The following GRIK1 variants were observed in gnomAD, a reference collection of about 807,000 sequenced individuals.
GRIK1 encodes glutamate receptor ionotropic, kainate 1.
Under a neutral mutation model 105.7 loss-of-function variants are expected in GRIK1, and 69 were observed. That is an observed-to-expected ratio of 0.65 (90% CI 0.54 to 0.80). GRIK1 has a LOEUF of 0.80. Ranked by LOEUF, GRIK1 falls within the 30% of genes least tolerant of loss-of-function variation. The pLI is 0.00. For missense variants in GRIK1, 1,109 were observed against 1,167.3 expected (o/e 0.95, Z 0.73); for synonymous variants, 438 against 431.3 (o/e 1.02, Z -0.19).
intron 1 of GRIK1, among the ~76,000 whole-genome samples, chr21:29,723,393 A>G (rs2064371989): frequency 6.6e-6 from 1 of 152,240 alleles, no homozygotes; most frequent in Non-Finnish European, 1.5e-5. Flanking sequence ...TCAAGCTTTC[A>G]TCATGCTTTA....
chr21:29,720,491 GTA>G (rs577480435), intron 1 of GRIK1, among the ~76,000 whole-genome samples: 50 of 150,698 alleles, frequency 3.3e-4, no homozygotes, highest in Non-Finnish European at 5.4e-4. Flanking sequence ...GCATGTGTGT[GTA>G]TATGTGTGTG....
chr21:29,689,130 G>T (rs1252046034), intron 3 of GRIK1, among the ~76,000 whole-genome samples: 2 of 151,356 alleles, frequency 1.3e-5, no homozygotes, highest in Non-Finnish European at 2.9e-5. Context: ...GTAAAAGAAA[G>T]TTCAAATGGG....
At chr21:29,553,685 C>T in intron 16 of GRIK1, 1 of 1,574,026 alleles carries the variant, frequency 6.4e-7, no homozygotes, top group South Asian at 1.2e-5. Flanking sequence ...ACATTGCAGT[C>T]CATAAAAGAA....
intron 7 of GRIK1, among the ~76,000 whole-genome samples, chr21:29,617,944 T>C (rs890707909): frequency 2.0e-5 from 3 of 152,230 alleles, no homozygotes; most frequent in African/African-American, 7.2e-5. Context: ...ATCCTTTCCA[T>C]TGTTCTGTGG....
intron 7 of GRIK1, among the ~76,000 whole-genome samples, chr21:29,625,883 CT>C (rs1225328168): frequency 6.6e-6 from 1 of 152,060 alleles, no homozygotes; most frequent in African/African-American, 2.4e-5. Flanking sequence ...GGTTGTACCC[CT>C]GAAGAGTGAA....
chr21:29,870,360 G>A (rs2068966307), intron 1 of GRIK1, among the ~76,000 whole-genome samples: 2 of 151,980 alleles, frequency 1.3e-5, no homozygotes, highest in Non-Finnish European at 1.5e-5. Context: ...TTCAATTTGC[G>A]ATATCAATTG....
intron 4 of GRIK1, among the ~76,000 whole-genome samples, chr21:29,669,448 G>C (rs946364532): frequency 2.0e-5 from 3 of 152,168 alleles, no homozygotes; most frequent in Non-Finnish European, 4.4e-5. Flanking sequence ...CTTATCTAAA[G>C]AAGACCAGCA....
intron 1 of GRIK1, among the ~76,000 whole-genome samples, chr21:29,810,752 A>G (rs2066988201): frequency 6.6e-6 from 1 of 152,190 alleles, no homozygotes; most frequent in South Asian, 2.1e-4. Context: ...AAGTAGCAAT[A>G]GCTGATTCAA....
chr21:29,809,711 G>T (rs1054987999), intron 1 of GRIK1, among the ~76,000 whole-genome samples: 1 of 152,164 alleles, frequency 6.6e-6, no homozygotes, highest in African/African-American at 2.4e-5. Context: ...CTAGCTTTCC[G>T]CCTGTCTCGG....
chr21:29,755,509 G>A (rs543412274), intron 1 of GRIK1, among the ~76,000 whole-genome samples: 29 of 152,342 alleles, frequency 1.9e-4, no homozygotes, highest in South Asian at 1.9e-3. Flanking sequence ...GGGATCTGAG[G>A]CATGAGGTTT....
intron 14 of GRIK1, among the ~76,000 whole-genome samples, chr21:29,572,264 A>G (rs1369782763): frequency 6.6e-6 from 1 of 152,070 alleles, no homozygotes; most frequent in Non-Finnish European, 1.5e-5. Context: ...CGAGGGGAAA[A>G]CTAAATCGGA....
chr21:29,602,082 GT>G (rs1449849282), intron 7 of GRIK1, among the ~76,000 whole-genome samples: 2 of 152,200 alleles, frequency 1.3e-5, no homozygotes, highest in Non-Finnish European at 2.9e-5. Flanking sequence ...CCACTATCAA[GT>G]TTTGCGGCCT....
In GRIK1 at chr21:29,555,060, T is replaced by C. The variant is rs777964499; in HGVS notation, c.2599A>G (p.Ile867Val). ...AGAAAGAGATGACTCACCTGTTCAA[T>C]ATCATTATTCTTCCGTGATTTGTAT... The part of the protein sequence containing the change: ...FIYKSRKNND[I>V]EQKGKSSRIR... The change falls in exon 16 of 18, where the codon ATT (isoleucine) becomes GTT (valine). Residue 867 changes from isoleucine to valine, a missense_variant. Around this residue, in one of 5 missense-constraint regions of GRIK1, gnomAD observed 161 missense variants for 143.4 expected, o/e 1.12. Transcript: ENST00000327783. 1 of 1,609,354 alleles carries C rather than the reference T, an allele frequency of 6.2e-7. No individual in the cohort carries two copies. Among genetic ancestry groups the C allele is most frequent in the South Asian group, 1.1e-5 (1 of 90,954 alleles).
intron 1 of GRIK1, among the ~76,000 whole-genome samples, chr21:29,777,877 G>A (rs915465210): frequency 1.5e-4 from 23 of 152,310 alleles, no homozygotes; most frequent in African/African-American, 5.1e-4. Context: ...GGTCAAGTGA[G>A]GGAAGAGTCA....
chr21:29,699,143 C>T (rs1428775085), intron 1 of GRIK1, among the ~76,000 whole-genome samples: 1 of 152,148 alleles, frequency 6.6e-6, no homozygotes, highest in African/African-American at 2.4e-5. Context: ...GACAATAATG[C>T]CTGTGCCTAC....
intron 15 of GRIK1, among the ~76,000 whole-genome samples, chr21:29,557,559 G>A (rs563694250): frequency 1.7e-4 from 26 of 152,120 alleles, no homozygotes; most frequent in Admixed American, 3.3e-4. Context: ...GTTAACATTT[G>A]TGTCATTTGT....
intron 1 of GRIK1, among the ~76,000 whole-genome samples, chr21:29,810,296 TAAA>T (rs11317254): frequency 6.9e-4 from 101 of 147,152 alleles, no homozygotes; most frequent in Non-Finnish European, 7.9e-4. Context: ...GACTCTGTCT[TAAA>T]AAAAAAAAAA....
In GRIK1 at chr21:29,817,781, T is replaced by G. The variant is rs150779211; in HGVS notation, c.118+121602A>C. 2.6e-3 allele frequency among the ~76,000 whole-genome samples: 402 copies of G among 152,260 alleles called. 1 individual carries two copies. Among genetic ancestry groups the G allele is most frequent in the African/African-American group, 9.0e-3 (374 of 41,564 alleles). The stretch of plus-strand genomic sequence containing the variant: ...TTGCAAATCGCTGGTATTTAAGGGT[T>G]GTTTGTTGCTGCAGCAAAAGTTGAA... On this transcript the variant is annotated intron_variant, in intron 1 of 17. Coordinates refer to ENST00000327783, the MANE Select transcript of GRIK1 (RefSeq NM_001330994.2).
chr21:29,928,138 A>T (rs1188442340), intron 1 of GRIK1, among the ~76,000 whole-genome samples: 1 of 152,210 alleles, frequency 6.6e-6, no homozygotes, highest in African/African-American at 2.4e-5. Flanking sequence ...CATAATTTTC[A>T]TATCTGCCAC....
Sources: gnomAD v4.1 joint callset for allele counts (sites outside exome capture counted in the v4.1 genomes callset) on GRCh38, gnomAD v4.1.1 for gene constraint, gnomAD v4.1.1 regional missense constraint, MANE v1.5 for transcripts, NCBI Gene and HGNC (gene_info 2026-07-23, HGNC 2026-07-21) for gene names.